The following CNTNAP5 variants were observed in gnomAD, a reference collection of about 807,000 sequenced individuals.
The protein encoded by CNTNAP5 is contactin-associated protein-like 5.
CNTNAP5 carries 72 observed loss-of-function variants against 150.2 expected under a neutral mutation model. The ratio of observed to expected loss-of-function variants is 0.48; its 90% confidence interval spans 0.40 to 0.58. CNTNAP5 has a LOEUF of 0.58. CNTNAP5 is among the 20% of genes least tolerant of loss of function. The pLI, the probability that CNTNAP5 is intolerant of heterozygous loss-of-function variation, is 0.00. For synonymous variants in CNTNAP5, 672 were observed against 619.8 expected (o/e 1.08, Z -1.25); for missense variants, 1,636 against 1,626.2 (o/e 1.01, Z -0.10).
chr2:124,497,340 C>T (rs1244948647), intron 7 of CNTNAP5, among the ~76,000 whole-genome samples: 1 of 152,102 alleles, frequency 6.6e-6, no homozygotes, highest in Non-Finnish European at 1.5e-5. Context: ...CACCTCTGAG[C>T]CATTTAACAG....
chr2:124,031,526 G>A (rs1366291727), intron 1 of CNTNAP5, among the ~76,000 whole-genome samples: 1 of 152,196 alleles, frequency 6.6e-6, no homozygotes. Flanking sequence ...CTGATTGGAT[G>A]CGGGAGCTGA....
At position 124,773,001 on chromosome 2, in the gene CNTNAP5, C is replaced by G; in HGVS notation, c.2736C>G (p.Asn912Lys). The change falls in exon 17 of 24, where the codon AAC becomes AAG. Residue 912 changes from asparagine (N) to lysine (K), a missense_variant. Coordinates refer to ENST00000682447, the MANE Select transcript of CNTNAP5 (RefSeq NM_001367498.1). ...SEEGHFRLQL[N>K]SQLFVGGTSS... ...AGGGCCATTTTCGACTGCAGCTGAACAGCCAGTTGTTTGTAGGTAGGGGAC... is the reference window on the plus strand; with the variant it reads ...AGGGCCATTTTCGACTGCAGCTGAAGAGCCAGTTGTTTGTAGGTAGGGGAC... The G allele has an allele frequency of 3.7e-6, 6 of 1,612,978 alleles. No individual in the cohort carries two copies. The highest frequency in any genetic ancestry group is 4.2e-6 in the Non-Finnish European group (5 of 1,179,604).
At chr2:124,581,531 G>A (rs1231790076) in intron 11 of CNTNAP5, among the ~76,000 whole-genome samples, 1 of 152,170 alleles carries the variant, frequency 6.6e-6, no homozygotes, top group Non-Finnish European at 1.5e-5. Flanking sequence ...TCGAATATTG[G>A]TAAAGGTTAG....
intron 21 of CNTNAP5, among the ~76,000 whole-genome samples, chr2:124,881,935 G>A (rs1051249765): frequency 1.3e-5 from 2 of 151,904 alleles, no homozygotes; most frequent in African/African-American, 4.8e-5. Flanking sequence ...CAATTCAAGG[G>A]GGAAATGCTT....
intron 21 of CNTNAP5, among the ~76,000 whole-genome samples, chr2:124,881,734 G>A (rs909902978): frequency 2.0e-5 from 3 of 152,050 alleles, no homozygotes; most frequent in African/African-American, 7.2e-5. Flanking sequence ...TGCCTGACTT[G>A]TATTTCTTAT....
At chr2:124,417,371 G>A in intron 3 of CNTNAP5, 72 bp from the exon 4 acceptor site, 2 of 1,521,858 alleles carry the variant, frequency 1.3e-6, no homozygotes, top group Admixed American at 1.8e-5. Context: ...AGTTCGTGGA[G>A]TAACAAATAT....
At chr2:124,645,693 G>A (rs936858726) in intron 12 of CNTNAP5, among the ~76,000 whole-genome samples, 3 of 152,174 alleles carry the variant, frequency 2.0e-5, no homozygotes, top group African/African-American at 7.2e-5. Context: ...TTTTTGCTGT[G>A]TATTAGGCCA....
At chr2:124,899,334 A>T (rs981814497) in intron 21 of CNTNAP5, among the ~76,000 whole-genome samples, 2 of 151,566 alleles carry the variant, frequency 1.3e-5, no homozygotes, top group Non-Finnish European at 2.9e-5. Flanking sequence ...GGGCAAGTTC[A>T]TGATTCATCA....
intron 3 of CNTNAP5, among the ~76,000 whole-genome samples, chr2:124,312,847 G>A (rs1242772911): frequency 6.6e-6 from 1 of 152,240 alleles, no homozygotes; most frequent in African/African-American, 2.4e-5. Context: ...TGGGATTACA[G>A]GCGTGAGCCA....
At chr2:124,291,494 T>C (rs1688292158) in intron 3 of CNTNAP5, among the ~76,000 whole-genome samples, 1 of 152,048 alleles carries the variant, frequency 6.6e-6, no homozygotes, top group African/African-American at 2.4e-5. Context: ...AAAATCAGTA[T>C]TTGTAATTCT....
chr2:124,734,774 T>C (rs1050594013), intron 13 of CNTNAP5, among the ~76,000 whole-genome samples: 4 of 152,128 alleles, frequency 2.6e-5, no homozygotes, highest in African/African-American at 9.7e-5. Flanking sequence ...TGCGATTTGG[T>C]AAGAGTAAAA....
chr2:124,588,811 G>A (rs955990540), intron 11 of CNTNAP5, among the ~76,000 whole-genome samples: 3 of 152,084 alleles, frequency 2.0e-5, no homozygotes, highest in South Asian at 2.1e-4. Flanking sequence ...TACAGATGCC[G>A]GCTTGGGTGG....
In CNTNAP5 at chr2:124,286,595, A is replaced by G. The variant is rs115093980; in HGVS notation, c.381+44202A>G. Among the ~76,000 whole-genome samples, 603 of 152,320 alleles carry G rather than the reference A, an allele frequency of 4.0e-3. 3 individuals are homozygous for G. Among genetic ancestry groups the G allele is most frequent in the African/African-American group, 0.014 (585 of 41,576 alleles). On this transcript the variant is annotated intron_variant, in intron 3 of 23. Coordinates refer to ENST00000682447, the MANE Select transcript of CNTNAP5 (RefSeq NM_001367498.1). The stretch of plus-strand genomic sequence containing the variant: ...TGGGGATGTGTTACAGAAAATCCTG[A>G]TTCAGCAGAATTGAGGTTGGACCTG...
intron 13 of CNTNAP5, among the ~76,000 whole-genome samples, chr2:124,688,264 T>A (rs1679232761): frequency 1.3e-5 from 2 of 152,054 alleles, no homozygotes; most frequent in South Asian, 4.1e-4. Flanking sequence ...AATGCTGGAA[T>A]AAAGTTTTTT....
chr2:124,278,975 C>T (rs1008551032), intron 3 of CNTNAP5, among the ~76,000 whole-genome samples: 3 of 151,970 alleles, frequency 2.0e-5, no homozygotes, highest in Admixed American at 2.0e-4. Context: ...ATTTTCTGTT[C>T]GATATTTACT....
chr2:124,431,654 T>TATATATAATTTCTTTATATAAAC (rs1207486610), intron 4 of CNTNAP5, among the ~76,000 whole-genome samples: 24 of 142,758 alleles, frequency 1.7e-4, no homozygotes, highest in African/African-American at 6.2e-4. Context: ...ATATAAACAT[T>TATATATAATTTCTTTATATAAAC]ATATATAATT....
chr2:124,715,217 C>T (rs1367875941), intron 13 of CNTNAP5, among the ~76,000 whole-genome samples: 2 of 152,154 alleles, frequency 1.3e-5, no homozygotes, highest in African/African-American at 4.8e-5. Flanking sequence ...TACTATGTGT[C>T]AAGCATTGGG....
At chr2:124,238,986 T>A (rs1207858516) in intron 2 of CNTNAP5, among the ~76,000 whole-genome samples, 1 of 152,182 alleles carries the variant, frequency 6.6e-6, no homozygotes, top group Non-Finnish European at 1.5e-5. Flanking sequence ...CCAGATAGCA[T>A]CCCTCCATTT....
intron 19 of CNTNAP5, among the ~76,000 whole-genome samples, chr2:124,856,112 G>A (rs1476076941): frequency 2.1e-5 from 3 of 145,046 alleles, no homozygotes; most frequent in Admixed American, 1.4e-4. Context: ...GTGTGTGTGT[G>A]TATAAAAAAA....
Sources: gnomAD v4.1 joint callset for allele counts (sites outside exome capture counted in the v4.1 genomes callset) on GRCh38, gnomAD v4.1.1 for gene constraint, MANE v1.5 for transcripts, NCBI Gene and HGNC (gene_info 2026-07-23, HGNC 2026-07-21) for gene names.